The following ITPR2 variants were observed in gnomAD, a reference collection of about 807,000 sequenced individuals.
ITPR2 encodes the protein inositol 1,4,5-trisphosphate receptor type 2.
In ITPR2, 207 loss-of-function variants were observed where a neutral mutation model predicts 317.1. The ratio of observed to expected loss-of-function variants is 0.65; its 90% CI spans 0.58 to 0.73. The LOEUF (loss-of-function observed/expected upper bound fraction) is 0.73, where lower values mean the gene tolerates loss of function less well. Among genes scored for constraint, ITPR2 ranks in the 30% least tolerant of loss-of-function variants. The pLI is 0.00. For missense variants in ITPR2, 2,613 were observed against 3,284.0 expected, an observed-to-expected ratio of 0.80 and a Z score of 4.99; for synonymous variants, 1,156 against 1,149.1, an observed-to-expected ratio of 1.01 and a Z score of -0.12.
chr12:26,362,863 G>C (rs1037510035), intron 55 of ITPR2, among the ~76,000 whole-genome samples: 2 of 152,160 alleles, frequency 1.3e-5, no homozygotes, highest in Admixed American at 6.6e-5. Flanking sequence ...AAAAGATGGG[G>C]AACCTACTGA....
At chr12:26,772,746 T>C (rs1949894595) in intron 2 of ITPR2, among the ~76,000 whole-genome samples, 1 of 151,514 alleles carries the variant, frequency 6.6e-6, no homozygotes, top group Non-Finnish European at 1.5e-5. Flanking sequence ...TTTTTCTTTT[T>C]CTTTTTTTAC....
chr12:26,497,882 T>G (rs1225781953), intron 37 of ITPR2, among the ~76,000 whole-genome samples: 2 of 152,074 alleles, frequency 1.3e-5, no homozygotes, highest in East Asian at 3.9e-4. Context: ...GGCTAATTTT[T>G]TTTGTTTGTT....
At chr12:26,791,424 A>G (rs1166902989) in intron 1 of ITPR2, among the ~76,000 whole-genome samples, 2 of 152,130 alleles carry the variant, frequency 1.3e-5, no homozygotes, top group Admixed American at 6.5e-5. Context: ...ACTAGCATGC[A>G]TCAACTCCAG....
rs1162562019 is a variant in ITPR2 at position 26,692,754 on chromosome 12, T to C, written c.996+2852A>G. Among the ~76,000 whole-genome samples, 78 of 151,974 alleles carry C rather than the reference T, an allele frequency of 5.1e-4. 1 individual carries two copies. Among genetic ancestry groups the C allele is most frequent in the Non-Finnish European group, 5.9e-5 (4 of 67,992 alleles). On this transcript the variant is annotated intron_variant, in intron 10 of 56. Coordinates refer to ENST00000381340, the MANE Select transcript of ITPR2 (RefSeq NM_002223.4). ...ATGCATGAACCTTTGAAACTTCAAA[T>C]ACGGAAGGCAACATTTTGATAAATG...
rs1468816451 is a variant in ITPR2 at position 26,802,556 on chromosome 12, T to C, written c.93-12329A>G. 3.9e-5 allele frequency among the ~76,000 whole-genome samples: 5 copies of C among 129,744 alleles called. No individual in the cohort carries two copies. The East Asian group carries it at 1.1e-3, about 28-fold the overall frequency. The allele number at this position is 129,744 out of a possible 152,430, so 85.1% of individuals were successfully genotyped here. A position where few individuals can be genotyped will look rare whatever the true frequency, so the allele number is the denominator to read the frequency against. ...ACAAACTGCAGAGGAGATATATATATATCTATATATAGATATAGATATAGA... is the reference window on the plus strand; with the variant it reads ...ACAAACTGCAGAGGAGATATATATACATCTATATATAGATATAGATATAGA... On this transcript the variant is annotated intron_variant, in intron 1 of 56. Coordinates refer to ENST00000381340, the MANE Select transcript of ITPR2 (RefSeq NM_002223.4).
intron 32 of ITPR2, among the ~76,000 whole-genome samples, chr12:26,594,008 G>C (rs755876900): frequency 6.6e-6 from 1 of 152,220 alleles, no homozygotes; most frequent in Admixed American, 6.5e-5. Flanking sequence ...TGCACGTGCA[G>C]TTTTAAAGCT....
chr12:26,681,353 C>A (rs2136960067), intron 13 of ITPR2, among the ~76,000 whole-genome samples: 1 of 152,310 alleles, frequency 6.6e-6, no homozygotes, highest in African/African-American at 2.4e-5. Context: ...CTCTTTCTTA[C>A]TTATTTCCAA....
intron 30 of ITPR2, among the ~76,000 whole-genome samples, chr12:26,598,451 C>G (rs771512309): frequency 2.6e-5 from 4 of 152,158 alleles, no homozygotes; most frequent in African/African-American, 7.2e-5. Flanking sequence ...AAATGGGCCA[C>G]TAGAGAACCA....
intron 47 of ITPR2, among the ~76,000 whole-genome samples, chr12:26,437,097 C>A (rs549655114): frequency 1.3e-5 from 2 of 152,300 alleles, no homozygotes; most frequent in African/African-American, 4.8e-5. Context: ...AAAATCAGTT[C>A]TTTCCACCTC....
chr12:26,622,962 T>C (rs1046567707), intron 24 of ITPR2, among the ~76,000 whole-genome samples: 1 of 152,246 alleles, frequency 6.6e-6, no homozygotes, highest in Non-Finnish European at 1.5e-5. Flanking sequence ...TAGGGAATAA[T>C]GAAATTCTTC....
At chr12:26,617,662 GGGAGGGAAGGAAGGAGGGAAGGAA>G (rs772041496) in intron 26 of ITPR2, among the ~76,000 whole-genome samples, 3 of 122,284 alleles carry the variant, frequency 2.5e-5, no homozygotes, top group Non-Finnish European at 3.4e-5. Flanking sequence ...GAGGGACGGA[GGGAGGGAAGGAAGGAGGGAAGGAA>G]GGAGGGAAGG....
intron 21 of ITPR2, among the ~76,000 whole-genome samples, chr12:26,638,405 A>T (rs1437202106): frequency 2.0e-5 from 3 of 152,200 alleles, no homozygotes; most frequent in Admixed American, 6.5e-5. Flanking sequence ...CCACATGCAA[A>T]CCAGTTACTG....
chr12:26,602,667 T>C lies in ITPR2; in HGVS notation c.3502A>G (p.Lys1168Glu), dbSNP rs368087988. 1 of 1,611,682 alleles carries C rather than the reference T, an allele frequency of 6.2e-7. No individual in the cohort carries two copies. Among genetic ancestry groups the C allele is most frequent in the African/African-American group, 1.3e-5 (1 of 74,922 alleles). ...CTCTTGTTGCTGTCAATCTGAGGTT[T>C]CTTTGTTCCATCCTGCACTGGACTT... is the stretch of plus-strand genomic sequence containing the variant. ...ILSPVQDGTK[K>E]PQIDSNKSNN... Residue 1168 changes from lysine to glutamate, a missense_variant, in exon 27 of 57, where the codon AAA (lysine) becomes GAA (glutamate). This residue lies in a region of ITPR2 where 817 missense variants were observed against 897.6 expected (regional missense o/e 0.91). Coordinates refer to ENST00000381340, the MANE Select transcript of ITPR2 (RefSeq NM_002223.4).
At chr12:26,653,948 A>G (rs758338468) in intron 21 of ITPR2, 28 bp downstream of exon 21, 2 of 1,571,176 alleles carry the variant, frequency 1.3e-6, no homozygotes, top group Non-Finnish European at 1.7e-6. Context: ...AATAACAATG[A>G]TATTATCACA....
At chr12:26,516,368 T>TGAAAGGA (rs1943518381) in intron 37 of ITPR2, among the ~76,000 whole-genome samples, 2 of 94,962 alleles carry the variant, frequency 2.1e-5, no homozygotes, top group African/African-American at 7.2e-5. Context: ...AAAGGAAAGC[T>TGAAAGGA]AAGCTGAGGA....
At chr12:26,776,585 G>A (rs1363924686) in intron 2 of ITPR2, among the ~76,000 whole-genome samples, 6 of 152,170 alleles carry the variant, frequency 3.9e-5, no homozygotes, top group South Asian at 2.1e-4. Context: ...ACTAGGAATG[G>A]GGATGTATGG....
intron 41 of ITPR2, among the ~76,000 whole-genome samples, chr12:26,485,654 T>C (rs1207002250): frequency 6.6e-6 from 1 of 152,232 alleles, no homozygotes; most frequent in East Asian, 1.9e-4. Context: ...CATCCTCTTC[T>C]ATGTTAATTC....
Position 26,656,466 on chromosome 12 carries a change from C to G in ITPR2, c.2275G>C (p.Asp759His). The G allele has an allele frequency of 6.2e-7, 1 of 1,614,258 alleles. No homozygotes were observed. Among genetic ancestry groups the G allele is most frequent in the Non-Finnish European group, 8.5e-7 (1 of 1,180,042 alleles). The change falls in exon 19 of 57, where the codon GAC (aspartate) becomes CAC (histidine). Residue 759 changes from aspartate to histidine, a missense_variant. Asp to His is a moderately conservative substitution (Grantham distance 81). Transcript: ENST00000381340. ...TCCGACACACACCGCAGGATCAGGTCTACAGACAGCTGTGTAGAAATCTGG... is the reference window on the plus strand; with the variant it reads ...TCCGACACACACCGCAGGATCAGGTGTACAGACAGCTGTGTAGAAATCTGG... ...INQISTQLSV[D>H]LILRCVSDES...
intron 55 of ITPR2, among the ~76,000 whole-genome samples, chr12:26,357,079 T>A (rs547994532): frequency 6.6e-6 from 1 of 152,224 alleles, no homozygotes; most frequent in Non-Finnish European, 1.5e-5. Flanking sequence ...TCTTTTTTAT[T>A]CATGGGCTGC....
Sources: gnomAD v4.1 joint callset for allele counts (sites outside exome capture counted in the v4.1 genomes callset) on GRCh38, gnomAD v4.1.1 for gene constraint, gnomAD v4.1.1 regional missense constraint, MANE v1.5 for transcripts, NCBI Gene and HGNC (gene_info 2026-07-23, HGNC 2026-07-21) for gene names.